Variants in ADAMTS2 observed in about 807,000 individuals in gnomAD.
ADAMTS2 encodes the protein ADAM metallopeptidase with thrombospondin type 1 motif 2.
In ADAMTS2, 50 loss-of-function variants were observed where a neutral mutation model predicts 123.0. The observed-to-expected ratio is 0.41, with a 90% CI of 0.32 to 0.51. The LOEUF (loss-of-function observed/expected upper bound fraction) is 0.51, where lower values mean the gene tolerates loss of function less well. Ranked by LOEUF, ADAMTS2 falls within the 20% of genes least tolerant of loss-of-function variation. ADAMTS2 has a pLI of 0.35. For missense variants in ADAMTS2, 1,494 were observed against 1,705.2 expected (o/e 0.88, Z 2.18); for synonymous variants, 678 against 695.4 (o/e 0.98, Z 0.39).
chr5:179,320,933 C>T lies in ADAMTS2; in HGVS notation c.534+22834G>A, dbSNP rs572617203. 2.9e-4 allele frequency among the ~76,000 whole-genome samples: 44 copies of T among 152,106 alleles called. No individual in the cohort carries two copies. The South Asian group carries it at 5.6e-3, about 19-fold the overall frequency. ...AGAAGAGCAGGCCTGAGAGTGAAATCGACACAGAGGAGAGCAAAGCCAAGG... is the reference window on the plus strand; with the variant it reads ...AGAAGAGCAGGCCTGAGAGTGAAATTGACACAGAGGAGAGCAAAGCCAAGG... On this transcript the variant is annotated intron_variant, in intron 2 of 21. Coordinates refer to ENST00000251582, the MANE Select transcript of ADAMTS2 (RefSeq NM_014244.5).
intron 2 of ADAMTS2, 55 bp from the exon 3 acceptor site, chr5:179,273,119 G>A (rs1766592532): frequency 6.2e-7 from 1 of 1,611,932 alleles, no homozygotes; most frequent in African/African-American, 1.3e-5. Flanking sequence ...ACCAAGGAAG[G>A]GGAACAGCGA....
chr5:179,284,338 C>A (rs1018820348), intron 2 of ADAMTS2, among the ~76,000 whole-genome samples: 1 of 151,818 alleles, frequency 6.6e-6, no homozygotes, highest in African/African-American at 2.4e-5. Flanking sequence ...CAAAAACAAA[C>A]AAACAAACAA....
chr5:179,130,758 G>A lies in ADAMTS2; in HGVS notation c.2291-660C>T, dbSNP rs954159491. On this transcript the variant is annotated intron_variant, in intron 15 of 21. Coordinates refer to ENST00000251582, the MANE Select transcript of ADAMTS2 (RefSeq NM_014244.5). The surrounding 1 kb of genome is among the most constrained non-coding windows in gnomAD (Gnocchi z 4.3). Reference sequence around the variant, plus strand: ...GGTGATGTGAGTGGGGCCGCAGACAGGGCACTAGTGAGAAAATCATTCCCT... The same window carrying A: ...GGTGATGTGAGTGGGGCCGCAGACAAGGCACTAGTGAGAAAATCATTCCCT... 1.3e-5 allele frequency among the ~76,000 whole-genome samples: 2 copies of A among 152,154 alleles called. No homozygotes were observed. The highest frequency in any genetic ancestry group is 3.9e-4 in the East Asian group (2 of 5,180).
chr5:179,126,257 T>G, intron 17 of ADAMTS2, 127 bp from the exon 18 acceptor site: 2 of 1,379,000 alleles, frequency 1.5e-6, no homozygotes, highest in Non-Finnish European at 2.0e-6. Context: ...ACAATAAGGG[T>G]GGGCAGGGCA....
At chr5:179,275,082 G>GC (rs1473701298) in intron 2 of ADAMTS2, among the ~76,000 whole-genome samples, 1 of 152,148 alleles carries the variant, frequency 6.6e-6, no homozygotes, top group Non-Finnish European at 1.5e-5. Flanking sequence ...GTGCCCGGTG[G>GC]CCCATCACTC....
chr5:179,142,604 G>A (rs2113228033), intron 10 of ADAMTS2, among the ~76,000 whole-genome samples: 1 of 152,328 alleles, frequency 6.6e-6, no homozygotes, highest in South Asian at 2.1e-4. Context: ...TAGCAATACA[G>A]GCAGAATGAC....
intron 2 of ADAMTS2, among the ~76,000 whole-genome samples, chr5:179,319,642 C>G (rs958393029): frequency 6.6e-6 from 1 of 152,034 alleles, no homozygotes; most frequent in African/African-American, 2.4e-5. Flanking sequence ...TGGCCTTTTG[C>G]TTATTGTATG....
intron 2 of ADAMTS2, among the ~76,000 whole-genome samples, chr5:179,310,180 G>A (rs149914919): frequency 1.7e-3 from 254 of 152,346 alleles, no homozygotes; most frequent in African/African-American, 5.9e-3. Context: ...GCGCTCAGGC[G>A]CTGAGATGCT....
intron 2 of ADAMTS2, among the ~76,000 whole-genome samples, chr5:179,299,517 A>G (rs1035653232): frequency 1.5e-4 from 19 of 126,382 alleles, no homozygotes; most frequent in Non-Finnish European, 2.9e-4. Context: ...CAACAGATCA[A>G]GACTCCAACT....
chr5:179,187,069 G>A (rs763607064), intron 4 of ADAMTS2, among the ~76,000 whole-genome samples: 1 of 152,070 alleles, frequency 6.6e-6, no homozygotes, highest in Non-Finnish European at 1.5e-5. Flanking sequence ...AGCCCAGCCA[G>A]CCTTCCCCAG....
At chr5:179,343,260 C>T (rs957742429) in intron 2 of ADAMTS2, among the ~76,000 whole-genome samples, 7 of 152,222 alleles carry the variant, frequency 4.6e-5, no homozygotes, top group East Asian at 1.9e-4. Context: ...ACACATATCA[C>T]GCCAGTATGC....
chr5:179,119,888 C>A (rs1039743859), intron 21 of ADAMTS2, among the ~76,000 whole-genome samples: 25 of 152,262 alleles, frequency 1.6e-4, no homozygotes, highest in African/African-American at 5.1e-4. Flanking sequence ...CATATAGAAC[C>A]TAGATATTCT....
In ADAMTS2 at chr5:179,283,359, T is replaced by C. The variant is rs997295418; in HGVS notation, c.535-10295A>G. Among the ~76,000 whole-genome samples, 4 of 152,158 alleles carry C rather than the reference T, an allele frequency of 2.6e-5. No homozygotes were observed. In the East Asian group the frequency reaches 7.7e-4, roughly 29 times the overall value. On this transcript the variant is annotated intron_variant, in intron 2 of 21. Transcript: ENST00000251582. ...GAAGAAAAAAGGAATTACAGTTTAA[T>C]TGCACTCGTTTCCTAATCTTCAGAA...
intron 21 of ADAMTS2, among the ~76,000 whole-genome samples, chr5:179,116,777 C>T (rs915592671): frequency 5.3e-5 from 8 of 152,114 alleles, no homozygotes; most frequent in Non-Finnish European, 8.8e-5. Context: ...AGAGGGTGCC[C>T]GACTTCGGCC....
In ADAMTS2 at chr5:179,314,217, C is replaced by G. The variant is rs1756913754; in HGVS notation, c.534+29550G>C. On this transcript the variant is annotated intron_variant, in intron 2 of 21. Coordinates refer to ENST00000251582, the MANE Select transcript of ADAMTS2 (RefSeq NM_014244.5). This position sits in a 1 kb window ranked among gnomAD's most constrained non-coding sequence, Gnocchi z 4.5. ...ACTGGCATTTCCCGGGCTCCTGGTC[C>G]CATCCTGCCCCTCCCACCGGGTCGG... Among the ~76,000 whole-genome samples the G allele has an allele frequency of 6.6e-6, 1 of 152,266 alleles. No individual in the cohort carries two copies. The highest frequency in any genetic ancestry group is 2.1e-4 in the South Asian group (1 of 4,834).
chr5:179,192,682 A>G (rs1041059842), intron 4 of ADAMTS2, among the ~76,000 whole-genome samples: 2 of 152,198 alleles, frequency 1.3e-5, no homozygotes, highest in African/African-American at 4.8e-5. Flanking sequence ...GGCTGCAGCC[A>G]GGTTTCCTTC....
intron 21 of ADAMTS2, chr5:179,121,285 C>T (rs1053794765): frequency 6.2e-6 from 1 of 161,608 alleles, no homozygotes; most frequent in Non-Finnish European, 1.3e-5. Context: ...AAGCACCTGG[C>T]AGTGCCGGAA....
chr5:179,119,177 A>G lies in ADAMTS2; in HGVS notation c.3178+2484T>C, dbSNP rs115203096. ...TGGGAAGAGAGACTGAGTGGAGGGA[A>G]GCACTGTCTGACCCAATTTTCCCTG... On this transcript the variant is annotated intron_variant, in intron 21 of 21. Transcript: ENST00000251582. Among the ~76,000 whole-genome samples, 1,266 of 152,312 alleles carry G rather than the reference A, an allele frequency of 8.3e-3. 15 individuals carry two copies. Among genetic ancestry groups the G allele is most frequent in the African/African-American group, 0.029 (1,207 of 41,568 alleles).
intron 6 of ADAMTS2, among the ~76,000 whole-genome samples, chr5:179,157,970 C>G (rs1186056959): frequency 7.0e-6 from 1 of 142,772 alleles, no homozygotes; most frequent in Non-Finnish European, 1.5e-5. Flanking sequence ...TTTTTTTTGT[C>G]TCTTTTTTTT....
Sources: allele counts gnomAD v4.1 joint callset (sites outside exome capture counted in the v4.1 genomes callset), GRCh38; gene constraint gnomAD v4.1.1; non-coding constraint Gnocchi (gnomAD v3.1); transcripts MANE v1.5; gene names NCBI Gene and HGNC (gene_info 2026-07-23, HGNC 2026-07-21).